The following PDIA6 variants were observed in gnomAD, a reference collection of about 807,000 sequenced individuals.
PDIA6 encodes the protein protein disulfide isomerase family A member 6.
PDIA6 carries 29 observed loss-of-function variants against 58.4 expected under a neutral mutation model. The ratio of observed to expected loss-of-function variants is 0.50; its 90% CI spans 0.37 to 0.68. The LOEUF is 0.68. Ranked by LOEUF, PDIA6 falls within the 30% of genes least tolerant of loss-of-function variation. The pLI is 0.00. For missense variants in PDIA6, 480 were observed against 551.0 expected (o/e 0.87, Z 1.29); for synonymous variants, 192 against 202.6 (o/e 0.95, Z 0.44).
intron 7 of PDIA6, 146 bp from the exon 8 acceptor site, chr2:10,790,035 C>T (rs999854025): frequency 4.7e-6 from 3 of 635,582 alleles, no homozygotes; most frequent in African/African-American, 1.9e-5. Context: ...CTGGAGAGCA[C>T]AGGTGCAATC....
At chr2:10,788,817 A>G (rs753645565) in intron 9 of PDIA6, 48 bp from the exon 10 acceptor site, 2 of 1,560,946 alleles carry the variant, frequency 1.3e-6, no homozygotes, top group South Asian at 1.1e-5. Context: ...AAAGGAGTCC[A>G]TAAAATTAAT....
chr2:10,817,204 C>A (rs1443880115), upstream of PDIA6, among the ~76,000 whole-genome samples: 1 of 152,236 alleles, frequency 6.6e-6, no homozygotes, highest in Non-Finnish European at 1.5e-5. Flanking sequence ...TGATTACTCT[C>A]TAATTTAGTT....
At chr2:10,813,956 C>T (rs777077983), upstream of PDIA6, among the ~76,000 whole-genome samples, 9 of 152,112 alleles carry the variant, frequency 5.9e-5, no homozygotes, top group Admixed American at 1.3e-4. Context: ...AACTCCCGAC[C>T]TCAGGTGATC....
At chr2:10,806,537 G>A (rs1276150710) in intron 1 of PDIA6, among the ~76,000 whole-genome samples, 1 of 149,510 alleles carries the variant, frequency 6.7e-6, no homozygotes, top group African/African-American at 2.4e-5. Flanking sequence ...ACACTTTGGA[G>A]GCCAAAGTGG....
At chr2:10,836,154 G>T (rs1044662069), upstream of PDIA6, among the ~76,000 whole-genome samples, 8 of 152,266 alleles carry the variant, frequency 5.3e-5, no homozygotes, top group Admixed American at 6.5e-5. Context: ...CAGTGATGAA[G>T]GGGAAGGGAG....
intron 1 of PDIA6, among the ~76,000 whole-genome samples, chr2:10,825,219 A>T (rs1363808672): frequency 6.6e-6 from 1 of 151,756 alleles, no homozygotes; most frequent in Non-Finnish European, 1.5e-5. Flanking sequence ...CCTTGCGATC[A>T]TGTGAGTTAA....
intron 1 of PDIA6, among the ~76,000 whole-genome samples, chr2:10,804,154 C>T (rs1240232726): frequency 2.0e-5 from 3 of 151,594 alleles, no homozygotes; most frequent in Non-Finnish European, 4.4e-5. Context: ...GTGATCCGCC[C>T]GCCTCGGCCT....
At chr2:10,820,328 G>T (rs1430892141) in intron 1 of PDIA6, among the ~76,000 whole-genome samples, 1 of 152,180 alleles carries the variant, frequency 6.6e-6, no homozygotes, top group Non-Finnish European at 1.5e-5. Flanking sequence ...TTAGGACCAG[G>T]TGTGTCATTT....
intron 1 of PDIA6, among the ~76,000 whole-genome samples, chr2:10,830,644 G>C (rs944789263): frequency 1.3e-5 from 2 of 152,258 alleles, no homozygotes; most frequent in Non-Finnish European, 2.9e-5. Context: ...AATTTTGTAG[G>C]AGATACTTAA....
intron 4 of PDIA6, among the ~76,000 whole-genome samples, chr2:10,796,277 TCTC>T (rs1423717030): frequency 6.6e-6 from 1 of 152,020 alleles, no homozygotes; most frequent in Non-Finnish European, 1.5e-5. Flanking sequence ...ATGGTCTCGA[TCTC>T]CTGACCTCGT....
chr2:10,831,486 C>T (rs1490440038), intron 1 of PDIA6, among the ~76,000 whole-genome samples: 2 of 152,122 alleles, frequency 1.3e-5, no homozygotes, highest in Admixed American at 1.3e-4. Flanking sequence ...TGCGTTTCAC[C>T]CGGCAGCCCC....
chr2:10,808,156 T>G (rs917044651), intron 1 of PDIA6, among the ~76,000 whole-genome samples: 3 of 152,252 alleles, frequency 2.0e-5, no homozygotes, highest in African/African-American at 7.2e-5. Context: ...GAGGAAAGAA[T>G]AGATTTATGC....
chr2:10,819,896 G>A (rs1033216436), intron 1 of PDIA6, among the ~76,000 whole-genome samples: 19 of 152,312 alleles, frequency 1.2e-4, no homozygotes, highest in Admixed American at 7.8e-4. Flanking sequence ...TCTTGTTGCA[G>A]TGATCCGAGA....
chr2:10,797,347 GCCTTGAACA>G, intron 3 of PDIA6, 140 bp from the exon 4 acceptor site: 1 of 741,342 alleles, frequency 1.3e-6, no homozygotes, highest in Non-Finnish European at 2.1e-6. Flanking sequence ...AAGGGCTTTA[GCCTTGAACA>G]CCAGAAGAGA....
chr2:10,783,550 C>T lies in PDIA6; in HGVS notation c.*708G>A, dbSNP rs2148523908. On this transcript the variant is annotated 3_prime_UTR_variant, in exon 13 of 13. Transcript: ENST00000272227. ...GCTGCTGTATTTCATGTCTTAACGG[C>T]TATTTTGAGGTTCATTAACAACATA... 3.3e-6 allele frequency: 1 copy of T among 298,808 alleles called. No individual in the cohort carries two copies. Among genetic ancestry groups the T allele is most frequent in the Non-Finnish European group, 6.4e-6 (1 of 156,826 alleles). The allele number at this position is 298,808 out of a possible 1,614,324, so 18.5% of individuals were successfully genotyped here. A position where few individuals can be genotyped will look rare whatever the true frequency, so the allele number is the denominator to read the frequency against.
rs761212881 is a variant in PDIA6, at chr2:10,790,811, C to T, written c.607G>A (p.Ala203Thr). Residue 203 changes from alanine to threonine, a missense_variant, in exon 7 of 13, where the codon GCA (alanine) becomes ACA (threonine). Physicochemically the swap from Ala to Thr is moderately conservative, Grantham distance 58 (BLOSUM62 0). Transcript: ENST00000272227. Reference sequence around the variant, plus strand: ...GTCTGCTCTTTTACTTCTGAAGCTGCGGCAGCCCACTCTGGCTCTAGGCTA... The same window carrying T: ...GTCTGCTCTTTTACTTCTGAAGCTGTGGCAGCCCACTCTGGCTCTAGGCTA... ...CKNLEPEWAA[A>T]ASEVKEQTKG... 4.3e-6 allele frequency: 7 copies of T among 1,613,634 alleles called. No individual in the cohort carries two copies. Among genetic ancestry groups the T allele is most frequent in the South Asian group, 1.1e-5 (1 of 91,066 alleles).
chr2:10,828,655 T>A (rs1389413923), intron 1 of PDIA6, among the ~76,000 whole-genome samples: 1 of 152,238 alleles, frequency 6.6e-6, no homozygotes, highest in East Asian at 1.9e-4. Context: ...AGCCTTGCTG[T>A]CTCAGTGTCC....
At chr2:10,808,930 A>G (rs1375963682) in intron 1 of PDIA6, among the ~76,000 whole-genome samples, 1 of 152,042 alleles carries the variant, frequency 6.6e-6, no homozygotes, top group Non-Finnish European at 1.5e-5. Context: ...GGTTCAAGCG[A>G]TTCTCCCGTC....
chr2:10,789,657 G>T, intron 8 of PDIA6, 92 bp downstream of exon 8: 1 of 1,134,312 alleles, frequency 8.8e-7, no homozygotes, highest in Non-Finnish European at 1.3e-6. Context: ...TATCTTTAAG[G>T]GCATAAAATG....
Sources: gnomAD v4.1 joint callset for allele counts (sites outside exome capture counted in the v4.1 genomes callset) on GRCh38, gnomAD v4.1.1 for gene constraint, MANE v1.5 for transcripts, NCBI Gene and HGNC (gene_info 2026-07-23, HGNC 2026-07-21) for gene names.